Variants in CEP128 observed in about 807,000 individuals in gnomAD.
CEP128 encodes centrosomal protein 128, also known as centrosomal protein 128kDa.
A neutral mutation model predicts 156.7 loss-of-function variants in CEP128; 132 were observed. The ratio of observed to expected loss-of-function variants is 0.84; its 90% CI spans 0.73 to 0.97. The LOEUF is 0.97. Among genes scored for constraint, CEP128 ranks in the 50% least tolerant of loss-of-function variants. The pLI is 0.00. For synonymous variants in CEP128, 469 were observed against 448.9 expected, an observed-to-expected ratio of 1.04 and a Z score of -0.57; for missense variants, 1,252 against 1,281.9, an observed-to-expected ratio of 0.98 and a Z score of 0.36.
chr14:80,562,706 G>T (rs1239373815), intron 20 of CEP128, among the ~76,000 whole-genome samples: 3 of 142,164 alleles, frequency 2.1e-5, no homozygotes, highest in African/African-American at 7.9e-5. Flanking sequence ...TATCATTCAG[G>T]CTAGAGTGCA....
rs1414070937 is a variant in CEP128, at chr14:80,895,790, C to G, written c.573G>C (p.Arg191=). 7.1e-7 allele frequency: 1 copy of G among 1,407,082 alleles called. No homozygotes were observed. The highest frequency in any genetic ancestry group is 9.3e-7 in the Non-Finnish European group (1 of 1,077,314). The allele number at this position is 1,407,082 out of a possible 1,614,324, so 87.2% of individuals were successfully genotyped here. A position where few individuals can be genotyped will look rare whatever the true frequency, so the allele number is the denominator to read the frequency against. ...DFNRELSRRS[R]SDAETKRALE... ...AAGCCCTTTTTGTTTCGGCATCTGA[C>G]CTAGGAAGAAAAAAAAAAAAAAGAT... Residue 191 remains arginine, a splice_region_variant and synonymous_variant, in exon 8 of 25, where the codon CGG becomes CGC. Transcript: ENST00000555265.
At chr14:80,905,870 G>C in intron 5 of CEP128, 85 bp downstream of exon 5, 2 of 1,310,272 alleles carry the variant, frequency 1.5e-6, no homozygotes, top group Admixed American at 3.9e-5. Flanking sequence ...GTTATGTGTG[G>C]GTCATATTTC....
chr14:80,617,790 C>A (rs568821471), intron 19 of CEP128, among the ~76,000 whole-genome samples: 1 of 152,248 alleles, frequency 6.6e-6, no homozygotes, highest in Admixed American at 6.5e-5. Flanking sequence ...CATGGCGAGA[C>A]CCTGTCTCCA....
chr14:80,684,183 C>G (rs1483675954), intron 19 of CEP128, among the ~76,000 whole-genome samples: 3 of 151,806 alleles, frequency 2.0e-5, no homozygotes, highest in Non-Finnish European at 4.4e-5. Flanking sequence ...TACACAAGAT[C>G]GGTAGACCAC....
intron 19 of CEP128, among the ~76,000 whole-genome samples, chr14:80,735,183 A>C (rs889230695): frequency 2.6e-5 from 4 of 152,172 alleles, no homozygotes; most frequent in Non-Finnish European, 5.9e-5. Context: ...TTAACACTAT[A>C]GTACAAGTCA....
chr14:80,539,773 G>A (rs531448732), intron 21 of CEP128, among the ~76,000 whole-genome samples: 242 of 152,184 alleles, frequency 1.6e-3, no homozygotes, highest in Non-Finnish European at 2.3e-3. Flanking sequence ...GAGAGATATC[G>A]CCAAGTTCTT....
chr14:80,932,696 T>C (rs944298615), intron 2 of CEP128, among the ~76,000 whole-genome samples: 74 of 151,826 alleles, frequency 4.9e-4, no homozygotes, highest in African/African-American at 1.8e-3. Flanking sequence ...CTATGGTGAG[T>C]TGCATAATTA....
chr14:80,726,875 G>A (rs900455273), intron 19 of CEP128, among the ~76,000 whole-genome samples: 1 of 152,148 alleles, frequency 6.6e-6, no homozygotes, highest in Non-Finnish European at 1.5e-5. Flanking sequence ...GTGAGTTGCT[G>A]GAAGGTGAAC....
chr14:80,858,753 T>G (rs2140145627), intron 9 of CEP128, among the ~76,000 whole-genome samples: 1 of 151,630 alleles, frequency 6.6e-6, no homozygotes, highest in African/African-American at 2.4e-5. Context: ...AACAGACACT[T>G]TTCAAAAGAA....
downstream of CEP128, among the ~76,000 whole-genome samples, chr14:80,495,096 G>T (rs1208560202): frequency 6.6e-6 from 1 of 152,122 alleles, no homozygotes; most frequent in Non-Finnish European, 1.5e-5. Flanking sequence ...TTCAAATTAA[G>T]TATTGGACCA....
At chr14:80,876,644 A>C (rs1053820697) in intron 8 of CEP128, among the ~76,000 whole-genome samples, 1 of 151,786 alleles carries the variant, frequency 6.6e-6, no homozygotes, top group African/African-American at 2.4e-5. Flanking sequence ...ATTTCTCAAT[A>C]GAAGCAATAA....
rs542758745 is a variant in CEP128, at chr14:80,873,413, T to C, written c.646-10540A>G. ...TAATACTTACTAGTTTTATTTGCTA[T>C]GTGAAAGAAATCCAAATAAAATGAT... On this transcript the variant is annotated intron_variant, in intron 8 of 24. Coordinates refer to ENST00000555265, the MANE Select transcript of CEP128 (RefSeq NM_152446.5). Among the ~76,000 whole-genome samples the C allele has an allele frequency of 2.6e-5, 4 of 152,368 alleles. No homozygotes were observed. The South Asian group carries it at 8.3e-4, about 32-fold the overall frequency.
At chr14:80,893,286 A>T (rs1168884475) in intron 8 of CEP128, among the ~76,000 whole-genome samples, 1 of 151,932 alleles carries the variant, frequency 6.6e-6, no homozygotes, top group Non-Finnish European at 1.5e-5. Context: ...AAGAAATCAA[A>T]TATACAGAGA....
chr14:80,747,680 G>A (rs896626313), intron 18 of CEP128, among the ~76,000 whole-genome samples: 7 of 152,266 alleles, frequency 4.6e-5, no homozygotes, highest in African/African-American at 1.7e-4. Flanking sequence ...GGTGGAACAC[G>A]CCTATAATTC....
chr14:80,812,547 A>G (rs1346611101), intron 13 of CEP128, among the ~76,000 whole-genome samples: 1 of 152,158 alleles, frequency 6.6e-6, no homozygotes, highest in East Asian at 1.9e-4. Flanking sequence ...CCCTTTCTCC[A>G]TAACCTTGCC....
chr14:80,613,459 T>C (rs868599784), intron 19 of CEP128, among the ~76,000 whole-genome samples: 2 of 149,282 alleles, frequency 1.3e-5, no homozygotes, highest in Non-Finnish European at 1.5e-5. Flanking sequence ...CCCGCCACCA[T>C]GGCTGGCTAA....
intron 21 of CEP128, among the ~76,000 whole-genome samples, chr14:80,538,580 C>T (rs1194584388): frequency 6.6e-6 from 1 of 152,164 alleles, no homozygotes; most frequent in Non-Finnish European, 1.5e-5. Context: ...ATATATCAAT[C>T]CATCTATCCA....
Position 80,917,735 on chromosome 14 carries a change from C to T in CEP128, c.-15-1173G>A, listed in dbSNP as rs184609860. Among the ~76,000 whole-genome samples, 342 of 152,180 alleles carry T rather than the reference C, an allele frequency of 2.2e-3. 8 individuals are homozygous for T. Among genetic ancestry groups the T allele is most frequent in the East Asian group, 9.6e-4 (5 of 5,182 alleles). ...TTTATTCTGAATGCATCTGGAAGTA[C>T]ATTGATCATACATTTAAGGAGACAA... On this transcript the variant is annotated intron_variant, in intron 2 of 24. Transcript: ENST00000555265.
rs1378325405 is a variant in CEP128 at position 80,849,933 on chromosome 14, T to C, written c.763-9165A>G. Among the ~76,000 whole-genome samples the C allele has an allele frequency of 2.6e-5, 4 of 152,126 alleles. No homozygotes were observed. The East Asian group carries it at 7.7e-4, about 29-fold the overall frequency. On this transcript the variant is annotated intron_variant, in intron 9 of 24. Transcript: ENST00000555265. ...AAAGTATCTTTGGGAAAATTCTGCA[T>C]GCACAGCTTCGAAATATTAAAAGTG...
Sources: allele counts gnomAD v4.1 joint callset (sites outside exome capture counted in the v4.1 genomes callset), GRCh38; gene constraint gnomAD v4.1.1; transcripts MANE v1.5; gene names NCBI Gene and HGNC (gene_info 2026-07-23, HGNC 2026-07-21).